The following RAB6A variants were observed in gnomAD, a reference collection of about 807,000 sequenced individuals.
The protein encoded by RAB6A is ras-related protein Rab-6A.
Under a neutral mutation model 32.3 loss-of-function variants are expected in RAB6A, and 8 were observed. That is an observed-to-expected ratio of 0.25 (90% CI 0.15 to 0.45). RAB6A has a LOEUF of 0.45. Ranked by LOEUF, RAB6A falls within the 20% of genes least tolerant of loss-of-function variation. RAB6A has a pLI of 1.00. For missense variants in RAB6A, 104 were observed against 249.4 expected (o/e 0.42, Z 3.93); for synonymous variants, 73 against 82.1 (o/e 0.89, Z 0.60).
chr11:73,705,896 T>G (rs1157917705), intron 6 of RAB6A, among the ~76,000 whole-genome samples: 3 of 149,574 alleles, frequency 2.0e-5, no homozygotes, highest in Admixed American at 6.7e-5. Flanking sequence ...AGACAGGAGG[T>G]AGGATGGGAA....
Position 73,760,687 on chromosome 11 carries a change from A to T in RAB6A, c.-52T>A, listed in dbSNP as rs756162556. ...CTCAGCCTAGAGACCTCCCGGACCGATGCTGCTCCAGCCAGCTGACGAAAA... is the reference window on the plus strand; with the variant it reads ...CTCAGCCTAGAGACCTCCCGGACCGTTGCTGCTCCAGCCAGCTGACGAAAA... On this transcript the variant is annotated 5_prime_UTR_variant, in exon 1 of 8. Transcript: ENST00000336083. The T allele has an allele frequency of 6.4e-7, 1 of 1,573,324 alleles. No homozygotes were observed. Among genetic ancestry groups the T allele is most frequent in the South Asian group, 1.2e-5 (1 of 86,314 alleles).
intron 5 of RAB6A, among the ~76,000 whole-genome samples, chr11:73,709,437 A>ATATTAT (rs3046615): frequency 0.21 from 28,569 of 136,768 alleles, 3,438 homozygotes; most frequent in East Asian, 0.42. Flanking sequence ...CTCCTTAAGT[A>ATATTAT]TATTATTATT....
intron 1 of RAB6A, among the ~76,000 whole-genome samples, chr11:73,733,471 C>A (rs1412654043): frequency 1.3e-5 from 2 of 151,800 alleles, no homozygotes; most frequent in African/African-American, 4.8e-5. Flanking sequence ...ATCGTTTGAA[C>A]CCAGGAGGTG....
chr11:73,699,146 C>T (rs1945702704), intron 6 of RAB6A, among the ~76,000 whole-genome samples: 1 of 152,182 alleles, frequency 6.6e-6, no homozygotes, highest in Non-Finnish European at 1.5e-5. Flanking sequence ...AGCCACTGCG[C>T]CAGGCCGATA....
In RAB6A at chr11:73,718,924, A is replaced by C. The variant is rs559424489; in HGVS notation, c.184-206T>G. 37 of 1,543,930 alleles carry C rather than the reference A, an allele frequency of 2.4e-5. No individual in the cohort carries two copies. The African/African-American group carries it at 3.6e-4, about 15-fold the overall frequency. ...TGGGAAAAAATAAATAAAAAAAAAA[A>C]AACCAAACTAATACTAAAAAGAAAA... On this transcript the variant is annotated intron_variant, in intron 3 of 7. Coordinates refer to ENST00000336083, the MANE Select transcript of RAB6A (RefSeq NM_198896.2).
rs1946831949 is a variant in RAB6A at position 73,760,685 on chromosome 11, C to T, written c.-50G>A. 1 of 1,575,834 alleles carries T rather than the reference C, an allele frequency of 6.3e-7. No individual in the cohort carries two copies. The highest frequency in any genetic ancestry group is 8.6e-7 in the Non-Finnish European group (1 of 1,160,744). Reference sequence around the variant, plus strand: ...GCCTCAGCCTAGAGACCTCCCGGACCGATGCTGCTCCAGCCAGCTGACGAA... The same window carrying T: ...GCCTCAGCCTAGAGACCTCCCGGACTGATGCTGCTCCAGCCAGCTGACGAA... On this transcript the variant is annotated 5_prime_UTR_variant, in exon 1 of 8. Coordinates refer to ENST00000336083, the MANE Select transcript of RAB6A (RefSeq NM_198896.2).
At chr11:73,682,644 C>A (rs1362293032) in intron 6 of RAB6A, among the ~76,000 whole-genome samples, 1 of 152,144 alleles carries the variant, frequency 6.6e-6, no homozygotes, top group Non-Finnish European at 1.5e-5. Context: ...CCCTGGGCAA[C>A]AGAGCGAGAC....
chr11:73,725,014 T>A (rs1185734078), intron 2 of RAB6A, among the ~76,000 whole-genome samples: 1 of 152,176 alleles, frequency 6.6e-6, no homozygotes, highest in African/African-American at 2.4e-5. Context: ...CCAGAGAAGA[T>A]AAGCTTTAGC....
rs563497159 is a variant in RAB6A at position 73,715,767 on chromosome 11, T to C, written c.401+484A>G. Among the ~76,000 whole-genome samples the C allele has an allele frequency of 7.9e-5, 12 of 152,318 alleles. No individual in the cohort carries two copies. The East Asian group carries it at 2.1e-3, about 27-fold the overall frequency. On this transcript the variant is annotated intron_variant, in intron 5 of 7. Transcript: ENST00000336083. ...GACTAAGGTATCACAATCAAGCTAT[T>C]CAGTGCAACTACACAGTCTGGCTCA... is the stretch of plus-strand genomic sequence containing the variant.
intron 1 of RAB6A, among the ~76,000 whole-genome samples, chr11:73,750,403 G>A (rs1271866630): frequency 6.7e-6 from 1 of 150,052 alleles, no homozygotes; most frequent in Non-Finnish European, 1.5e-5. Flanking sequence ...AGGCTGGAGT[G>A]CAGTGGCATG....
intron 1 of RAB6A, among the ~76,000 whole-genome samples, chr11:73,744,205 G>T (rs1041475751): frequency 1.3e-5 from 2 of 151,928 alleles, no homozygotes; most frequent in Non-Finnish European, 2.9e-5. Context: ...GGGCATGGTG[G>T]TGGGCGCCTG....
chr11:73,685,611 C>A (rs1812572204), intron 6 of RAB6A, among the ~76,000 whole-genome samples: 2 of 4,892 alleles, frequency 4.1e-4, no homozygotes, highest in African/African-American at 8.0e-4. Flanking sequence ...AGGTGCGGTG[C>A]CTCACGCCTG....
At chr11:73,731,836 G>T (rs1422814932) in intron 1 of RAB6A, among the ~76,000 whole-genome samples, 1 of 149,492 alleles carries the variant, frequency 6.7e-6, no homozygotes, top group South Asian at 2.1e-4. Flanking sequence ...CCGCCTCCCG[G>T]GTTCAACCGA....
At chr11:73,728,865 T>G (rs1233079081) in intron 2 of RAB6A, among the ~76,000 whole-genome samples, 1 of 151,942 alleles carries the variant, frequency 6.6e-6, no homozygotes. Flanking sequence ...AGTATTGGTG[T>G]TGTTCTCTAA....
At chr11:73,747,182 C>G (rs911654128) in intron 1 of RAB6A, among the ~76,000 whole-genome samples, 16 of 150,944 alleles carry the variant, frequency 1.1e-4, no homozygotes, top group African/African-American at 3.7e-4. Context: ...CACCTTTTAC[C>G]TGGCTTCCTC....
chr11:73,731,116 G>A (rs1379764740), intron 1 of RAB6A, among the ~76,000 whole-genome samples: 1 of 151,970 alleles, frequency 6.6e-6, no homozygotes, highest in Non-Finnish European at 1.5e-5. Flanking sequence ...ACACTTACTT[G>A]GCCCTAACAA....
At chr11:73,757,256 G>C (rs1946776412) in intron 1 of RAB6A, among the ~76,000 whole-genome samples, 1 of 144,586 alleles carries the variant, frequency 6.9e-6, no homozygotes, top group African/African-American at 2.6e-5. Flanking sequence ...CGATTCTCCT[G>C]CCTCAGCCTC....
At chr11:73,732,937 C>A (rs71479542) in intron 1 of RAB6A, among the ~76,000 whole-genome samples, 41,134 of 151,640 alleles carry the variant, frequency 0.27, 5,667 homozygotes, top group African/African-American at 0.32. Flanking sequence ...CTCAGCCTCC[C>A]GAGTATCTGA....
intron 6 of RAB6A, among the ~76,000 whole-genome samples, chr11:73,686,332 G>A (rs1252327966): frequency 2.0e-5 from 3 of 152,118 alleles, no homozygotes; most frequent in East Asian, 1.9e-4. Context: ...AAGGTGGGGG[G>A]ATCATTTGAG....
Sources: allele counts gnomAD v4.1 joint callset (sites outside exome capture counted in the v4.1 genomes callset), GRCh38; gene constraint gnomAD v4.1.1; transcripts MANE v1.5; gene names NCBI Gene and HGNC (gene_info 2026-07-23, HGNC 2026-07-21).